PTH1R: variants seen among roughly 807,000 people sequenced by gnomAD.
The protein encoded by PTH1R is parathyroid hormone/parathyroid hormone-related peptide receptor.
Under a neutral mutation model 70.7 loss-of-function variants are expected in PTH1R, and 32 were observed. That is an observed-to-expected ratio of 0.45 (90% CI 0.34 to 0.61). The LOEUF (loss-of-function observed/expected upper bound fraction) is 0.61. PTH1R is among the 20% of genes least tolerant of loss of function. The probability of loss-of-function intolerance (pLI) is 0.01; values close to 1 mark genes in which losing one functional copy is unlikely to be tolerated. For missense variants in PTH1R, 626 were observed against 792.5 expected (o/e 0.79, Z 2.52); for synonymous variants, 329 against 324.8 (o/e 1.01, Z -0.14).
chr3:46,901,948 G>A lies in PTH1R; in HGVS notation c.1211+88G>A, dbSNP rs1018316306. 2 of 1,343,570 alleles carry A rather than the reference G, an allele frequency of 1.5e-6. No homozygotes were observed. The highest frequency in any genetic ancestry group is 1.4e-5 in the African/African-American group (1 of 69,238). 83.2% of individuals were successfully genotyped at this position (1,343,570 alleles called of 1,614,324 possible). A position where few individuals can be genotyped will look rare whatever the true frequency, so the allele number is the denominator to read the frequency against. On this transcript the variant is annotated intron_variant, in intron 13 of 15. Transcript: ENST00000449590. This position sits in a 1 kb window ranked among gnomAD's most constrained non-coding sequence, Gnocchi z 7.3. The stretch of plus-strand genomic sequence containing the variant: ...ACCCCAGGAAAGACAGTGGCCCCAT[G>A]AATGATCCTGGGGCAAGGGAAAGGA...
chr3:46,883,254 C>T lies in PTH1R; in HGVS notation c.-48-258C>T, dbSNP rs1167496220. On this transcript the variant is annotated intron_variant, in intron 2 of 15. Coordinates refer to ENST00000449590, the MANE Select transcript of PTH1R (RefSeq NM_000316.3). This position sits in a 1 kb window ranked among gnomAD's most constrained non-coding sequence, Gnocchi z 6.4. ...CCATATGGATGTGATTTCTTCGCTC[C>T]GAGGCAGACGGGCCGCTCCGCAGCG... 3.9e-6 allele frequency: 1 copy of T among 256,672 alleles called. No homozygotes were observed. Among genetic ancestry groups the T allele is most frequent in the Non-Finnish European group, 7.3e-6 (1 of 136,370 alleles). The allele number at this position is 256,672 out of a possible 1,614,324, so 15.9% of individuals were successfully genotyped here. A position where few individuals can be genotyped will look rare whatever the true frequency, so the allele number is the denominator to read the frequency against.
Position 46,898,392 on chromosome 3 carries a change from C to T in PTH1R, c.558C>T (p.Arg186=). 1 of 1,613,950 alleles carries T rather than the reference C, an allele frequency of 6.2e-7. No homozygotes were observed. Among genetic ancestry groups the T allele is most frequent in the Non-Finnish European group, 8.5e-7 (1 of 1,179,992 alleles). Residue 186 remains arginine (R), a synonymous_variant, in exon 8 of 16, where the codon CGC becomes CGT. Coordinates refer to ENST00000449590, the MANE Select transcript of PTH1R (RefSeq NM_000316.3). ...GCCCCGCACAGGAGGTGTTTGACCG[C>T]CTGGGCATGATTTACACCGTGGGCT... ...NETREREVFD[R]LGMIYTVGYS...
chr3:46,893,876 C>A lies in PTH1R; in HGVS notation c.76-31C>A. The A allele has an allele frequency of 1.2e-6, 2 of 1,608,960 alleles. No individual in the cohort carries two copies. Among genetic ancestry groups the A allele is most frequent in the Non-Finnish European group, 8.5e-7 (1 of 1,176,216 alleles). ...GGGACCTGCTGCTGCGCCGGAAAGT[C>A]CTGCCTGTGGTCTGACCTTCGGCTT... On this transcript the variant is annotated intron_variant, in intron 3 of 15. Transcript: ENST00000449590. This position sits in a 1 kb window ranked among gnomAD's most constrained non-coding sequence, Gnocchi z 5.2.
At chr3:46,897,755 CAAAA>C in intron 5 of PTH1R, 96 bp from the exon 6 acceptor site, 1 of 1,154,256 alleles carries the variant, frequency 8.7e-7, no homozygotes. Flanking sequence ...AAAACAAAAA[CAAAA>C]ACAAACAAAC....
rs534246386 is a variant in PTH1R, at chr3:46,879,364, A to G, written c.-106+1521A>G. On this transcript the variant is annotated intron_variant, in intron 1 of 15. Coordinates refer to ENST00000449590, the MANE Select transcript of PTH1R (RefSeq NM_000316.3). The surrounding 1 kb of genome is among the most constrained non-coding windows in gnomAD (Gnocchi z 4.7). ...ATCTCTCAGTCCTTCCAATCCCTCC[A>G]TTAATGTTCTTTTCTCATCACCAAG... is the stretch of plus-strand genomic sequence containing the variant. 2.6e-5 allele frequency among the ~76,000 whole-genome samples: 4 copies of G among 152,292 alleles called. No homozygotes were observed. The highest frequency in any genetic ancestry group is 9.6e-5 in the African/African-American group (4 of 41,552).
In PTH1R at chr3:46,903,280, A is replaced by C; in HGVS notation, c.1406A>C (p.Glu469Ala). 1 of 1,612,928 alleles carries C rather than the reference A, an allele frequency of 6.2e-7. No individual in the cohort carries two copies. The highest frequency in any genetic ancestry group is 8.5e-7 in the Non-Finnish European group (1 of 1,179,978). The stretch of plus-strand genomic sequence containing the variant: ...CCTTACTGCCCCAAGGTACAAGCTG[A>C]GATCAAGAAATCTTGGAGCCGCTGG... ...YCFCNGEVQA[E>A]IKKSWSRWTL... The change falls in exon 16 of 16, where the codon GAG (glutamate) becomes GCG (alanine). Residue 469 changes from glutamate (E) to alanine (A), a missense_variant. Transcript: ENST00000449590. The surrounding 1 kb of genome is among the most constrained non-coding windows in gnomAD (Gnocchi z 4.4).
rs1399785006 is a variant in PTH1R at position 46,892,477 on chromosome 3, G to A, written c.76-1430G>A. ...CTCGAGAATGCGCTGCCACTCGCGC[G>A]CGCACGCACAGGGACGCGCACGCGG... On this transcript the variant is annotated intron_variant, in intron 3 of 15. Transcript: ENST00000449590. The surrounding 1 kb of genome is among the most constrained non-coding windows in gnomAD (Gnocchi z 5.2). Among the ~76,000 whole-genome samples the A allele has an allele frequency of 4.6e-5, 7 of 152,150 alleles. No homozygotes were observed. Among genetic ancestry groups the A allele is most frequent in the Admixed American group, 1.3e-4 (2 of 15,288 alleles).
rs2106994922 is a variant in PTH1R at position 46,891,011 on chromosome 3, G to A, written c.76-2896G>A. On this transcript the variant is annotated intron_variant, in intron 3 of 15. Coordinates refer to ENST00000449590, the MANE Select transcript of PTH1R (RefSeq NM_000316.3). The surrounding 1 kb of genome is among the most constrained non-coding windows in gnomAD (Gnocchi z 4.3). ...GCACGGAGCTGTGAGCTAACGTTTGGAGGGGTAGCGCACTTGGTGTGGGGT... is the reference window on the plus strand; with the variant it reads ...GCACGGAGCTGTGAGCTAACGTTTGAAGGGGTAGCGCACTTGGTGTGGGGT... Among the ~76,000 whole-genome samples the A allele has an allele frequency of 6.6e-6, 1 of 152,354 alleles. No individual in the cohort carries two copies. The highest frequency in any genetic ancestry group is 1.5e-5 in the Non-Finnish European group (1 of 68,024).
At position 46,882,217 on chromosome 3, in the gene PTH1R, G is replaced by C. The variant is rs2030633038; in HGVS notation, c.-49+1099G>C. On this transcript the variant is annotated intron_variant, in intron 2 of 15. Coordinates refer to ENST00000449590, the MANE Select transcript of PTH1R (RefSeq NM_000316.3). This position sits in a 1 kb window ranked among gnomAD's most constrained non-coding sequence, Gnocchi z 4.3. ...GCGGGAGAGGCCCGGGAGGGCGCGG[G>C]GGAGGGAAGAGGCGCCCGGCCGGGG... 1 of 151,958 alleles carries C rather than the reference G, an allele frequency of 6.6e-6. No homozygotes were observed. Among genetic ancestry groups the C allele is most frequent in the Non-Finnish European group, 1.5e-5 (1 of 67,912 alleles). 9.4% of individuals were successfully genotyped at this position (151,958 alleles called of 1,614,324 possible).
chr3:46,895,909 G>A (rs1183159904), intron 5 of PTH1R, 40 bp downstream of exon 5: 1 of 1,603,426 alleles, frequency 6.2e-7, no homozygotes, highest in Non-Finnish European at 8.5e-7. Context: ...GCATGGGCTT[G>A]GATCCACCCA....
rs780310423 is a variant in PTH1R at position 46,903,666 on chromosome 3, G to T, written c.*10G>T. The T allele has an allele frequency of 4.5e-5, 72 of 1,606,068 alleles. No individual in the cohort carries two copies. The South Asian group carries it at 7.4e-4, about 16-fold the overall frequency. On this transcript the variant is annotated 3_prime_UTR_variant, in exon 16 of 16. Transcript: ENST00000449590. This position sits in a 1 kb window ranked among gnomAD's most constrained non-coding sequence, Gnocchi z 4.4. ...GGAGACAGTCATGTGACCAGGCGCT[G>T]GGGGCTGGACCTGCTGACATAGTGG... is the stretch of plus-strand genomic sequence containing the variant.
At position 46,902,135 on chromosome 3, in the gene PTH1R, T is replaced by C. The variant is rs1243455321; in HGVS notation, c.1211+275T>C. ...GAACTTGAACCTCTCCTCAAAGAGT[T>C]GGTTGCAGGGGGTCTGAGGAACAGG... On this transcript the variant is annotated intron_variant, in intron 13 of 15. Transcript: ENST00000449590. This position sits in a 1 kb window ranked among gnomAD's most constrained non-coding sequence, Gnocchi z 5.4. Among the ~76,000 whole-genome samples, 4 of 152,146 alleles carry C rather than the reference T, an allele frequency of 2.6e-5. No individual in the cohort carries two copies. Among genetic ancestry groups the C allele is most frequent in the African/African-American group, 9.7e-5 (4 of 41,436 alleles).
At chr3:46,898,568 C>A in intron 8 of PTH1R, 94 bp from the exon 9 acceptor site, 1 of 1,597,002 alleles carries the variant, frequency 6.3e-7, no homozygotes, top group Non-Finnish European at 8.5e-7. Context: ...TCACCCCCGG[C>A]GGGTGTCCCT....
chr3:46,900,920 T>C, intron 10 of PTH1R, 105 bp from the exon 11 acceptor site: 1 of 1,272,078 alleles, frequency 7.9e-7, no homozygotes, highest in Non-Finnish European at 1.1e-6. Flanking sequence ...GTGTCAGGGG[T>C]TCAGGGCAAT....
chr3:46,893,832 G>A lies in PTH1R; in HGVS notation c.76-75G>A. ...CCTTTTGAAAGGGGGTAGTCCCTCTGGGAAATTGGGATGTCTCTGGGACCT... is the reference window on the plus strand; with the variant it reads ...CCTTTTGAAAGGGGGTAGTCCCTCTAGGAAATTGGGATGTCTCTGGGACCT... On this transcript the variant is annotated intron_variant, in intron 3 of 15. Transcript: ENST00000449590. The surrounding 1 kb of genome is among the most constrained non-coding windows in gnomAD (Gnocchi z 5.2). The A allele has an allele frequency of 7.8e-6, 11 of 1,404,188 alleles. No individual in the cohort carries two copies. The highest frequency in any genetic ancestry group is 1.1e-5 in the Non-Finnish European group (11 of 1,001,284). 87.0% of individuals were successfully genotyped at this position (1,404,188 alleles called of 1,614,324 possible).
chr3:46,894,379 C>T (rs1259122086), intron 4 of PTH1R, among the ~76,000 whole-genome samples: 1 of 152,136 alleles, frequency 6.6e-6, no homozygotes, highest in Non-Finnish European at 1.5e-5. Flanking sequence ...GGCTGGTGAT[C>T]GCCCAGAACA....
At position 46,903,377 on chromosome 3, in the gene PTH1R, C is replaced by T. The variant is rs202205719; in HGVS notation, c.1503C>T (p.Ser501=). 3.1e-6 allele frequency: 5 copies of T among 1,613,680 alleles called. No homozygotes were observed. The highest frequency in any genetic ancestry group is 4.2e-6 in the Non-Finnish European group (5 of 1,180,024). The change falls in exon 16 of 16, where the codon TCC becomes TCT. Residue 501 remains serine, a synonymous_variant. Transcript: ENST00000449590. The surrounding 1 kb of genome is among the most constrained non-coding windows in gnomAD (Gnocchi z 4.4). ...SSSYSYGPMV[S]HTSVTNVGPR... ...GCTATAGCTACGGCCCCATGGTGTC[C>T]CACACAAGTGTGACCAATGTCGGCC...
rs1366409361 is a variant in PTH1R at position 46,892,891 on chromosome 3, G to C, written c.76-1016G>C. 1 of 839,952 alleles carries C rather than the reference G, an allele frequency of 1.2e-6. No individual in the cohort carries two copies. The highest frequency in any genetic ancestry group is 1.4e-6 in the Non-Finnish European group (1 of 696,586). 52.0% of individuals were successfully genotyped at this position (839,952 alleles called of 1,614,324 possible). A position where few individuals can be genotyped will look rare whatever the true frequency, so the allele number is the denominator to read the frequency against. On this transcript the variant is annotated intron_variant, in intron 3 of 15. Coordinates refer to ENST00000449590, the MANE Select transcript of PTH1R (RefSeq NM_000316.3). The surrounding 1 kb of genome is among the most constrained non-coding windows in gnomAD (Gnocchi z 5.2). Reference sequence around the variant, plus strand: ...GAGGAAACACGACCCTGAATTAAGAGGGATGGGGCTGAGGGCTTCACAGCC... The same window carrying C: ...GAGGAAACACGACCCTGAATTAAGACGGATGGGGCTGAGGGCTTCACAGCC...
At position 46,897,766 on chromosome 3, in the gene PTH1R, A is replaced by C; in HGVS notation, c.314-89A>C. The C allele has an allele frequency of 4.9e-6, 6 of 1,213,018 alleles. No homozygotes were observed. The South Asian group carries it at 7.4e-5, about 15-fold the overall frequency. 75.1% of individuals were successfully genotyped at this position (1,213,018 alleles called of 1,614,324 possible). A position where few individuals can be genotyped will look rare whatever the true frequency, so the allele number is the denominator to read the frequency against. ...AAACAAAACAAAAACAAAAACAAAC[A>C]AACCACAGATGTATTCATCCTTCTG... On this transcript the variant is annotated intron_variant, in intron 5 of 15. Coordinates refer to ENST00000449590, the MANE Select transcript of PTH1R (RefSeq NM_000316.3).
Sources: gnomAD v4.1 joint callset for allele counts (sites outside exome capture counted in the v4.1 genomes callset) on GRCh38, gnomAD v4.1.1 for gene constraint, Gnocchi (gnomAD v3.1) non-coding constraint, MANE v1.5 for transcripts, NCBI Gene and HGNC (gene_info 2026-07-23, HGNC 2026-07-21) for gene names.